The following TSGA10 variants were observed in gnomAD, a reference collection of about 807,000 sequenced individuals.
The protein encoded by TSGA10 is testis-specific gene 10 protein.
A neutral mutation model predicts 96.6 loss-of-function variants in TSGA10; 43 were observed. The ratio of observed to expected loss-of-function variants is 0.44; its 90% CI spans 0.35 to 0.57. TSGA10 has a LOEUF of 0.57. TSGA10 is among the 20% of genes least tolerant of loss of function. The pLI is 0.01. For missense variants in TSGA10, 703 were observed against 834.4 expected (o/e 0.84, Z 1.94); for synonymous variants, 229 against 269.9 (o/e 0.85, Z 1.48).
intron 20 of TSGA10, among the ~76,000 whole-genome samples, chr2:99,016,765 G>A (rs1034277965): frequency 2.6e-5 from 4 of 151,930 alleles, no homozygotes; most frequent in Non-Finnish European, 5.9e-5. Flanking sequence ...ACTAATATCT[G>A]GAATCTACAA....
chr2:99,137,390 G>A (rs138111138), intron 1 of TSGA10, among the ~76,000 whole-genome samples: 1 of 152,286 alleles, frequency 6.6e-6, no homozygotes, highest in Non-Finnish European at 1.5e-5. Flanking sequence ...CCACACATTA[G>A]AGGAACAGAA....
At chr2:99,037,377 C>T (rs1446542087) in intron 16 of TSGA10, among the ~76,000 whole-genome samples, 1 of 152,006 alleles carries the variant, frequency 6.6e-6, no homozygotes, top group Non-Finnish European at 1.5e-5. Context: ...AGAAATTTAA[C>T]AACATACTTC....
At chr2:99,045,310 A>C (rs1573795290) in intron 16 of TSGA10, among the ~76,000 whole-genome samples, 1 of 152,186 alleles carries the variant, frequency 6.6e-6, no homozygotes, top group African/African-American at 2.4e-5. Context: ...AAATGAAGGA[A>C]AAAATGTTAA....
chr2:99,048,176 C>G (rs1169799864), intron 16 of TSGA10, among the ~76,000 whole-genome samples: 1 of 152,114 alleles, frequency 6.6e-6, no homozygotes, highest in Admixed American at 6.5e-5. Context: ...AATGCTATCC[C>G]CATCAAGCTA....
intron 10 of TSGA10, among the ~76,000 whole-genome samples, chr2:99,084,828 C>G (rs1044328303): frequency 6.6e-6 from 1 of 151,864 alleles, no homozygotes; most frequent in Non-Finnish European, 1.5e-5. Context: ...TTGTTTTACA[C>G]AATAACTTAT....
Position 99,035,348 on chromosome 2 carries a change from A to T in TSGA10, c.1496T>A (p.Phe499Tyr), listed in dbSNP as rs755106652. The change falls in exon 17 of 21, where the codon TTT becomes TAT. Residue 499 changes from phenylalanine to tyrosine, a missense_variant. Physicochemically the swap from Phe to Tyr is conservative, Grantham distance 22. This residue lies in a region of TSGA10 where 585 missense variants were observed against 656.8 expected (regional missense o/e 0.89). Coordinates refer to ENST00000393483, the MANE Select transcript of TSGA10 (RefSeq NM_025244.4). The stretch of plus-strand genomic sequence containing the variant: ...ATCTGCAAGAGCGGACACTTTTTCA[A>T]ACTGAACCTTCTGAAGCTCCTCTTC... ...KMEEELQKVQ[F>Y]EKVSALADLS... is the part of the protein sequence containing the mutation. 3.1e-6 allele frequency: 5 copies of T among 1,613,308 alleles called. No individual in the cohort carries two copies. The highest frequency in any genetic ancestry group is 1.7e-6 in the Non-Finnish European group (2 of 1,179,614).
chr2:99,031,064 G>T (rs1313924603), intron 17 of TSGA10, among the ~76,000 whole-genome samples: 1 of 151,464 alleles, frequency 6.6e-6, no homozygotes, highest in Non-Finnish European at 1.5e-5. Context: ...GAATAAAGCA[G>T]ATGAACCTAA....
At chr2:99,063,664 G>A (rs2084935519) in intron 16 of TSGA10, among the ~76,000 whole-genome samples, 1 of 151,912 alleles carries the variant, frequency 6.6e-6, no homozygotes, top group African/African-American at 2.4e-5. Flanking sequence ...AAACTAGTTG[G>A]CCAGGGTGGT....
At chr2:99,032,441 C>T (rs558804244) in intron 17 of TSGA10, among the ~76,000 whole-genome samples, 1 of 152,310 alleles carries the variant, frequency 6.6e-6, no homozygotes, top group South Asian at 2.1e-4. Flanking sequence ...TCCAAGTCTA[C>T]TTTGTATAAT....
chr2:98,998,338 C>T (rs1055103228), intron 20 of TSGA10, 117 bp from the exon 21 acceptor site: 152 of 804,222 alleles, frequency 1.9e-4, no homozygotes, highest in Non-Finnish European at 4.7e-5. Flanking sequence ...TTCTTCATTT[C>T]TATGAAGGAA....
chr2:99,140,922 T>A, intron 1 of TSGA10: 1 of 348,070 alleles, frequency 2.9e-6, no homozygotes, highest in Non-Finnish European at 5.0e-6. Flanking sequence ...CCGGCAGCTG[T>A]GCCCGCCGCT....
chr2:99,014,069 C>A (rs778118826), intron 20 of TSGA10, among the ~76,000 whole-genome samples: 2 of 152,106 alleles, frequency 1.3e-5, no homozygotes, highest in African/African-American at 2.4e-5. Context: ...GCACAAGAAT[C>A]GCTTGAACCT....
intron 17 of TSGA10, among the ~76,000 whole-genome samples, chr2:99,022,180 A>C (rs975668948): frequency 6.6e-6 from 1 of 151,968 alleles, no homozygotes; most frequent in Non-Finnish European, 1.5e-5. Flanking sequence ...TCAAAAACTT[A>C]GCCAGGCATG....
intron 16 of TSGA10, among the ~76,000 whole-genome samples, chr2:99,059,064 ATATATT>A (rs1436200911): frequency 2.7e-5 from 3 of 109,742 alleles, no homozygotes; most frequent in South Asian, 2.6e-4. Context: ...ATATATATAT[ATATATT>A]TATATATTTT....
chr2:99,123,403 T>C (rs930455780), intron 2 of TSGA10, among the ~76,000 whole-genome samples: 1 of 152,188 alleles, frequency 6.6e-6, no homozygotes, highest in Non-Finnish European at 1.5e-5. Context: ...ATTTTCTCTC[T>C]GATGTTCACA....
At chr2:99,146,634 T>A (rs777284946) in intron 1 of TSGA10, among the ~76,000 whole-genome samples, 17 of 152,150 alleles carry the variant, frequency 1.1e-4, no homozygotes, top group Non-Finnish European at 2.1e-4. Flanking sequence ...GCACTCCACT[T>A]TTTTTTCTTT....
At chr2:99,133,341 C>T (rs1322581054) in intron 1 of TSGA10, among the ~76,000 whole-genome samples, 1 of 151,990 alleles carries the variant, frequency 6.6e-6, no homozygotes, top group East Asian at 1.9e-4. Flanking sequence ...TTATGTAATG[C>T]CCTTCTTTGT....
Position 99,068,871 on chromosome 2 carries a change from A to G in TSGA10, c.1218+17T>C, listed in dbSNP as rs2085580577. The G allele has an allele frequency of 9.1e-7, 1 of 1,093,244 alleles. No homozygotes were observed. The highest frequency in any genetic ancestry group is 1.2e-6 in the Non-Finnish European group (1 of 810,990). 67.7% of individuals were successfully genotyped at this position (1,093,244 alleles called of 1,614,324 possible). On this transcript the variant is annotated intron_variant, in intron 15 of 20. Transcript: ENST00000393483. ...AAAACTAAGTATCATGAGCAAAAAG[A>G]AAAAAAAAATACATACTTCAGACTT...
chr2:99,062,126 A>C (rs2084764303), intron 16 of TSGA10, among the ~76,000 whole-genome samples: 1 of 152,254 alleles, frequency 6.6e-6, no homozygotes, highest in African/African-American at 2.4e-5. Flanking sequence ...TATTTGAGAG[A>C]TCAAGAATAC....
Sources: gnomAD v4.1 joint callset for allele counts (sites outside exome capture counted in the v4.1 genomes callset) on GRCh38, gnomAD v4.1.1 for gene constraint, gnomAD v4.1.1 regional missense constraint, MANE v1.5 for transcripts, NCBI Gene and HGNC (gene_info 2026-07-23, HGNC 2026-07-21) for gene names.